Variants in SETX observed in about 807,000 individuals in gnomAD.
SETX encodes helicase senataxin.
Under a neutral mutation model 227.2 loss-of-function variants are expected in SETX, and 90 were observed. That is an observed-to-expected ratio of 0.40 (90% CI 0.33 to 0.47). SETX has a LOEUF of 0.47. SETX is among the 20% of genes least tolerant of loss of function. The pLI is 0.91. For missense variants in SETX, 3,052 were observed against 3,181.5 expected (o/e 0.96, Z 0.98); for synonymous variants, 1,210 against 1,113.2 (o/e 1.09, Z -1.73).
intron 24 of SETX, among the ~76,000 whole-genome samples, chr9:132,270,193 A>G (rs1165538471): frequency 6.7e-6 from 1 of 149,452 alleles, no homozygotes; most frequent in Admixed American, 6.7e-5. Flanking sequence ...AGAATGACTC[A>G]GCGTGCCCAT....
At chr9:132,324,736 A>C (rs1846595332) in intron 10 of SETX, among the ~76,000 whole-genome samples, 2 of 152,182 alleles carry the variant, frequency 1.3e-5, no homozygotes, top group African/African-American at 4.8e-5. Flanking sequence ...GGCACATACT[A>C]GGCACTCAAA....
At chr9:132,323,409 T>C (rs1846494578) in intron 10 of SETX, among the ~76,000 whole-genome samples, 1 of 152,184 alleles carries the variant, frequency 6.6e-6, no homozygotes, top group Admixed American at 6.5e-5. Context: ...CTACATGGCT[T>C]AGCTGAAGAT....
chr9:132,293,893 G>A (rs1018172876), intron 15 of SETX, among the ~76,000 whole-genome samples: 10 of 151,934 alleles, frequency 6.6e-5, no homozygotes, highest in African/African-American at 1.2e-4. Context: ...GTGTTGTGGC[G>A]GGCGCCTATA....
rs371687197 is a variant in SETX, at chr9:132,327,958, T to C, written c.3640A>G (p.Arg1214Gly). Residue 1214 changes from arginine to glycine, a missense_variant, in exon 10 of 26, where the codon AGA (arginine) becomes GGA (glycine). This residue lies in a region of SETX where 1,483 missense variants were observed against 1,312.0 expected (regional missense o/e 1.13). Coordinates refer to ENST00000224140, the MANE Select transcript of SETX (RefSeq NM_015046.7). The part of the protein sequence containing the change: ...RTSTPNSRIQ[R>G]ATTVSQKKSS... ...TTCTTTTGTGAAACCGTAGTGGCTC[T>C]CTGAATACGTGAATTGGGAGTTGAA... The C allele has an allele frequency of 9.3e-6, 15 of 1,613,936 alleles. No individual in the cohort carries two copies. In the African/African-American group the frequency reaches 1.9e-4, roughly 20 times the overall value.
chr9:132,292,449 T>G (rs1288567524), intron 15 of SETX, among the ~76,000 whole-genome samples: 1 of 148,788 alleles, frequency 6.7e-6, no homozygotes, highest in Non-Finnish European at 1.5e-5. Context: ...AAAACATGAT[T>G]AGACTTATAA....
intron 19 of SETX, 87 bp from the exon 20 acceptor site, chr9:132,281,661 A>G: frequency 1.1e-6 from 1 of 948,012 alleles, no homozygotes; most frequent in Non-Finnish European, 1.7e-6. Context: ...CTAACCATTC[A>G]GAAAAGTATC....
At position 132,277,080 on chromosome 9, in the gene SETX, A is replaced by T; in HGVS notation, c.6915T>A (p.Gly2305=). 6 of 1,613,994 alleles carry T rather than the reference A, an allele frequency of 3.7e-6. No homozygotes were observed. The highest frequency in any genetic ancestry group is 5.1e-6 in the Non-Finnish European group (6 of 1,179,934). ...QPYLVFDVGD[G]SERRDNDSYI... Reference sequence around the variant, plus strand: ...CATACTCATTATCCCGTCTTTCTGAACCATCTCCAACATCAAACACAAGGT... The same window carrying T: ...CATACTCATTATCCCGTCTTTCTGATCCATCTCCAACATCAAACACAAGGT... Residue 2305 remains glycine, a synonymous_variant, in exon 22 of 26, where the codon GGT becomes GGA. Coordinates refer to ENST00000224140, the MANE Select transcript of SETX (RefSeq NM_015046.7).
intron 25 of SETX, among the ~76,000 whole-genome samples, chr9:132,267,441 G>A (rs923791997): frequency 6.6e-6 from 1 of 152,198 alleles, no homozygotes; most frequent in Non-Finnish European, 1.5e-5. Context: ...AAACAGTTCT[G>A]AGCAGGCACT....
At chr9:132,344,339 G>A (rs1848169258) in intron 4 of SETX, among the ~76,000 whole-genome samples, 1 of 152,056 alleles carries the variant, frequency 6.6e-6, no homozygotes, top group Non-Finnish European at 1.5e-5. Flanking sequence ...TCAGCCTCCT[G>A]AGTACCTAGG....
chr9:132,265,739 G>A lies in SETX; in HGVS notation c.7288-754C>T, dbSNP rs77625745. ...CAAAACATTTCCGTTATCACAGAAAGGTCCTTTGGACATTGGTGATCTAGA... is the reference window on the plus strand; with the variant it reads ...CAAAACATTTCCGTTATCACAGAAAAGTCCTTTGGACATTGGTGATCTAGA... On this transcript the variant is annotated intron_variant, in intron 25 of 25. Transcript: ENST00000224140. Among the ~76,000 whole-genome samples the A allele has an allele frequency of 2.2e-3, 339 of 152,190 alleles. 1 individual carries two copies. Among genetic ancestry groups the A allele is most frequent in the Non-Finnish European group, 1.9e-3 (126 of 68,020 alleles).
intron 2 of SETX, among the ~76,000 whole-genome samples, chr9:132,350,135 T>C (rs1306840280): frequency 1.3e-5 from 2 of 152,172 alleles, no homozygotes; most frequent in Non-Finnish European, 1.5e-5. Flanking sequence ...GGCAGACTGC[T>C]TGAGGTCCGC....
rs1270437836 is a variant in SETX, at chr9:132,329,145, G to C, written c.2453C>G (p.Ser818Cys). Residue 818 changes from serine to cysteine, a missense_variant, in exon 10 of 26, where the codon TCT (serine) becomes TGT (cysteine). Coordinates refer to ENST00000224140, the MANE Select transcript of SETX (RefSeq NM_015046.7). ...CCTTGAATAGAAACTCTCAATGTTA[G>C]ATACAGTCAAATTTTCATCTAAATT... is the stretch of plus-strand genomic sequence containing the variant. ...TINLDENLTV[S>C]NIESFYSRKD... 3 of 1,611,226 alleles carry C rather than the reference G, an allele frequency of 1.9e-6. No homozygotes were observed. In the African/African-American group the frequency reaches 4.0e-5, roughly 22 times the overall value.
rs1843214327 is a variant in SETX, at chr9:132,277,272, G to A, written c.6843-120C>T. The stretch of plus-strand genomic sequence containing the variant: ...GGCTGGGGCAAGTAAGGGGATAGCA[G>A]GAATATTCTTTTCTAGACGTGTATT... On this transcript the variant is annotated intron_variant, in intron 21 of 25. Coordinates refer to ENST00000224140, the MANE Select transcript of SETX (RefSeq NM_015046.7). The A allele has an allele frequency of 1.0e-5, 8 of 797,954 alleles. No individual in the cohort carries two copies. The South Asian group carries it at 1.0e-4, about 10-fold the overall frequency. The allele number at this position is 797,954 out of a possible 1,614,324, so 49.4% of individuals were successfully genotyped here. A position where few individuals can be genotyped will look rare whatever the true frequency, so the allele number is the denominator to read the frequency against.
At chr9:132,318,411 A>G (rs770002301) in intron 10 of SETX, among the ~76,000 whole-genome samples, 3 of 152,156 alleles carry the variant, frequency 2.0e-5, no homozygotes, top group Admixed American at 2.0e-4. Context: ...TCCCCTCTGA[A>G]TTCATACTCC....
At chr9:132,350,009 A>C (rs1230426066) in intron 2 of SETX, among the ~76,000 whole-genome samples, 3 of 152,190 alleles carry the variant, frequency 2.0e-5, no homozygotes, top group Non-Finnish European at 4.4e-5. Flanking sequence ...GCAGTTTTTA[A>C]AAATGTTTAA....
rs1589595297 is a variant in SETX at position 132,264,025 on chromosome 9, A to G, written c.*214T>C. On this transcript the variant is annotated 3_prime_UTR_variant, in exon 26 of 26. Coordinates refer to ENST00000224140, the MANE Select transcript of SETX (RefSeq NM_015046.7). The stretch of plus-strand genomic sequence containing the variant: ...ATTTCCAGTCTCTGACTTCAAGGAC[A>G]TTATTACGGATACACAATGCCCTCT... The G allele has an allele frequency of 1.6e-6, 1 of 618,288 alleles. No homozygotes were observed. The highest frequency in any genetic ancestry group is 2.8e-5 in the East Asian group (1 of 35,208). 38.3% of individuals were successfully genotyped at this position (618,288 alleles called of 1,614,324 possible). A position where few individuals can be genotyped will look rare whatever the true frequency, so the allele number is the denominator to read the frequency against.
In SETX at chr9:132,329,214, A is replaced by T. The variant is rs753380252; in HGVS notation, c.2384T>A (p.Ile795Lys). The part of the protein sequence containing the change: ...DEICAKLSHV[I>K]KKQHRKSTLV... Reference sequence around the variant, plus strand: ...AGTACTCTTCCTGTGTTGCTTCTTTATTACATGTGATAACTTTGCACAGAT... The same window carrying T: ...AGTACTCTTCCTGTGTTGCTTCTTTTTTACATGTGATAACTTTGCACAGAT... The change falls in exon 10 of 26, where the codon ATA becomes AAA. Residue 795 changes from isoleucine to lysine, a missense_variant. Physicochemically the swap from Ile to Lys is moderately radical, Grantham distance 102. This residue lies in a region of SETX where 1,483 missense variants were observed against 1,312.0 expected (regional missense o/e 1.13). Coordinates refer to ENST00000224140, the MANE Select transcript of SETX (RefSeq NM_015046.7). 1.1e-5 allele frequency: 17 copies of T among 1,613,836 alleles called. No homozygotes were observed. The highest frequency in any genetic ancestry group is 1.4e-5 in the Non-Finnish European group (17 of 1,179,948).
rs1304234018 is a variant in SETX at position 132,275,349 on chromosome 9, T to A, written c.7007A>T (p.Asp2336Val). ...IIKLIKDKRK[D>V]VSFRNIGIIT... The stretch of plus-strand genomic sequence containing the variant: ...TATGCCAATGTTTCGAAAACTAACA[T>A]CCTTTCTTTTGTCTTTAATAAGCTT... Residue 2336 changes from aspartate (D) to valine (V), a missense_variant, in exon 23 of 26, where the codon GAT (aspartate) becomes GTT (valine). Around this residue, in one of 10 missense-constraint regions of SETX, gnomAD observed 412 missense variants for 589.0 expected, o/e 0.70. Transcript: ENST00000224140. 6.2e-7 allele frequency: 1 copy of A among 1,611,986 alleles called. No homozygotes were observed.
intron 13 of SETX, 89 bp from the exon 14 acceptor site, chr9:132,297,143 CTTTCA>C: frequency 9.0e-7 from 1 of 1,110,048 alleles, no homozygotes; most frequent in Admixed American, 2.0e-5. Context: ...GTCCAAATTT[CTTTCA>C]ATGCATGAGA....
Sources: gnomAD v4.1 joint callset for allele counts (sites outside exome capture counted in the v4.1 genomes callset) on GRCh38, gnomAD v4.1.1 for gene constraint, gnomAD v4.1.1 regional missense constraint, MANE v1.5 for transcripts, NCBI Gene and HGNC (gene_info 2026-07-23, HGNC 2026-07-21) for gene names.